CLRN1: variants seen among roughly 807,000 people sequenced by gnomAD.
CLRN1 encodes the protein clarin 1.
CLRN1 carries 15 observed loss-of-function variants against 18.7 expected under a neutral mutation model. That is an observed-to-expected ratio of 0.80 (90% CI 0.54 to 1.23). The LOEUF (loss-of-function observed/expected upper bound fraction) is 1.23. CLRN1 is among the 50% of genes most tolerant of loss of function. The probability of loss-of-function intolerance (pLI) is 0.00; values close to 1 mark genes in which losing one functional copy is unlikely to be tolerated. For missense variants in CLRN1, 311 were observed against 277.5 expected (o/e 1.12, Z -0.86); for synonymous variants, 104 against 102.9 (o/e 1.01, Z -0.07).
At chr3:150,944,027 C>G in intron 1 of CLRN1, 1 of 962,378 alleles carries the variant, frequency 1.0e-6, no homozygotes, top group Non-Finnish European at 1.6e-6. Flanking sequence ...GATAGTGATA[C>G]ATATGATGGA....
intron 1 of CLRN1, among the ~76,000 whole-genome samples, chr3:150,956,825 T>G (rs1714757676): frequency 6.6e-6 from 1 of 152,160 alleles, no homozygotes; most frequent in African/African-American, 2.4e-5. Flanking sequence ...CTGTCCCTTG[T>G]CAGATATTCC....
At chr3:150,949,317 T>C (rs1033385028) in intron 1 of CLRN1, among the ~76,000 whole-genome samples, 8 of 152,090 alleles carry the variant, frequency 5.3e-5, no homozygotes, top group African/African-American at 1.4e-4. Flanking sequence ...ATGCCCTCTC[T>C]CACCACGCCT....
chr3:150,941,786 TAGA>T (rs1713862929), intron 1 of CLRN1, 25 bp from the exon 2 acceptor site: 1 of 1,608,144 alleles, frequency 6.2e-7, no homozygotes, highest in Non-Finnish European at 8.5e-7. Flanking sequence ...AAACTAGGGT[TAGA>T]AGAAGTTTCA....
intron 1 of CLRN1, among the ~76,000 whole-genome samples, chr3:150,968,363 T>C (rs935710840): frequency 6.6e-6 from 1 of 152,216 alleles, no homozygotes; most frequent in Non-Finnish European, 1.5e-5. Flanking sequence ...CCACTAGTTG[T>C]GTCTCTTTGA....
At chr3:150,945,445 G>T (rs1714112497) in intron 1 of CLRN1, 1 of 1,188,388 alleles carries the variant, frequency 8.4e-7, no homozygotes, top group Admixed American at 2.4e-5. Flanking sequence ...ATGCTGGAAG[G>T]GGGCCAGGAG....
intron 1 of CLRN1, among the ~76,000 whole-genome samples, chr3:150,955,809 G>A (rs1032627843): frequency 1.3e-5 from 2 of 152,156 alleles, no homozygotes; most frequent in African/African-American, 2.4e-5. Context: ...TTGTCCCAAA[G>A]CCCAACTGTC....
rs1443434247 is a variant in CLRN1 at position 150,972,642 on chromosome 3, C to T, written c.67G>A (p.Gly23Arg). 3 of 1,614,038 alleles carry T rather than the reference C, an allele frequency of 1.9e-6. No homozygotes were observed. Among genetic ancestry groups the T allele is most frequent in the African/African-American group, 2.7e-5 (2 of 74,884 alleles). The change falls in exon 1 of 3, where the codon GGA (glycine) becomes AGA (arginine). Residue 23 changes from glycine (G) to arginine (R), a missense_variant. By Grantham distance (125) the Gly-to-Arg change is moderately radical (BLOSUM62 -2). Transcript: ENST00000327047. ...AGVFSFACALGVVTALGTPLW... is the reference protein window; with the variant it reads ...AGVFSFACALRVVTALGTPLW... ...GGTGTCCCCAAGGCTGTCACAACTC[C>T]GAGGGCACATGCAAAACTGAACACT...
intron 2 of CLRN1, among the ~76,000 whole-genome samples, chr3:150,936,064 G>C (rs1713466904): frequency 6.6e-6 from 1 of 152,070 alleles, no homozygotes; most frequent in East Asian, 1.9e-4. Context: ...CAGATGAGTA[G>C]GTTGTGAAAA....
chr3:150,937,104 G>A (rs56665183), intron 2 of CLRN1, among the ~76,000 whole-genome samples: 6,983 of 152,104 alleles, frequency 0.046, 252 homozygotes, highest in East Asian at 0.19. Flanking sequence ...TTTTTAAAAG[G>A]TGTCTGATAG....
At chr3:150,934,823 C>CTT (rs1293076381) in intron 2 of CLRN1, among the ~76,000 whole-genome samples, 1 of 151,964 alleles carries the variant, frequency 6.6e-6, no homozygotes, top group Non-Finnish European at 1.5e-5. Flanking sequence ...CTCTCTTTCT[C>CTT]TTTCTCTCTC....
At chr3:150,969,355 C>G (rs1244141558) in intron 1 of CLRN1, among the ~76,000 whole-genome samples, 7 of 85,514 alleles carry the variant, frequency 8.2e-5, no homozygotes, top group African/African-American at 3.4e-4. Flanking sequence ...GAGACAGAGT[C>G]TTGCTCTGTC....
chr3:150,941,124 T>TTGTCTGTC (rs1278553633), intron 2 of CLRN1, among the ~76,000 whole-genome samples: 1 of 141,948 alleles, frequency 7.0e-6, no homozygotes, highest in African/African-American at 2.7e-5. Context: ...GGAGTCTGTA[T>TTGTCTGTC]TGTCTGTCTG....
chr3:150,962,096 G>A (rs1348707506), intron 1 of CLRN1, among the ~76,000 whole-genome samples: 1 of 152,128 alleles, frequency 6.6e-6, no homozygotes, highest in Non-Finnish European at 1.5e-5. Context: ...GGATGACAGC[G>A]GCTGTGGCAC....
chr3:150,961,575 C>T (rs1047143567), intron 1 of CLRN1, among the ~76,000 whole-genome samples: 1 of 152,184 alleles, frequency 6.6e-6, no homozygotes, highest in East Asian at 1.9e-4. Context: ...CAATTTCTTC[C>T]TAGATTAAAG....
intron 1 of CLRN1, among the ~76,000 whole-genome samples, chr3:150,965,738 C>T (rs1430177697): frequency 6.6e-6 from 1 of 152,152 alleles, no homozygotes; most frequent in Admixed American, 6.5e-5. Context: ...ATGCTCGGGT[C>T]AATGATTTTA....
chr3:150,944,436 G>A (rs1714039466), intron 1 of CLRN1, among the ~76,000 whole-genome samples: 1 of 151,870 alleles, frequency 6.6e-6, no homozygotes. Context: ...GGGTGGGGAA[G>A]AACAAATGTC....
intron 2 of CLRN1, among the ~76,000 whole-genome samples, chr3:150,936,150 C>T (rs865960527): frequency 6.6e-6 from 1 of 151,966 alleles, no homozygotes; most frequent in Non-Finnish European, 1.5e-5. Flanking sequence ...TAATTAGATC[C>T]CATTTGTCAA....
chr3:150,950,312 G>A (rs1714414324), intron 1 of CLRN1, among the ~76,000 whole-genome samples: 1 of 152,192 alleles, frequency 6.6e-6, no homozygotes, highest in African/African-American at 2.4e-5. Context: ...ATTGACAAAT[G>A]GGATCTAATT....
chr3:150,959,843 C>T lies in CLRN1; in HGVS notation c.253+12613G>A, dbSNP rs529303142. On this transcript the variant is annotated intron_variant, in intron 1 of 2. Coordinates refer to ENST00000327047, the MANE Select transcript of CLRN1 (RefSeq NM_174878.3). ...TATTTTATTCTGAAACTTTGTTAAC[C>T]TTTTATCTATTGCTGATTCCAGTCT... Among the ~76,000 whole-genome samples the T allele has an allele frequency of 8.5e-5, 13 of 152,072 alleles. 1 individual carries two copies. In the South Asian group the frequency reaches 2.7e-3, roughly 32 times the overall value.
Sources: allele counts gnomAD v4.1 joint callset (sites outside exome capture counted in the v4.1 genomes callset), GRCh38; gene constraint gnomAD v4.1.1; transcripts MANE v1.5; gene names NCBI Gene and HGNC (gene_info 2026-07-23, HGNC 2026-07-21).